ITPR2: variants seen among roughly 807,000 people sequenced by gnomAD.
ITPR2 encodes inositol 1,4,5-trisphosphate receptor type 2.
Under a neutral mutation model 317.1 loss-of-function variants are expected in ITPR2, and 207 were observed. The ratio of observed to expected loss-of-function variants is 0.65; its 90% CI spans 0.58 to 0.73. The LOEUF is 0.73. ITPR2 is among the 30% of genes least tolerant of loss of function. The pLI, the probability that ITPR2 is intolerant of heterozygous loss-of-function variation, is 0.00. For synonymous variants in ITPR2, 1,156 were observed against 1,149.1 expected (o/e 1.01, Z -0.12); for missense variants, 2,613 against 3,284.0 (o/e 0.80, Z 4.99).
intron 45 of ITPR2, among the ~76,000 whole-genome samples, chr12:26,447,504 G>A (rs1239273680): frequency 7.0e-6 from 1 of 142,040 alleles, no homozygotes. Context: ...TTCAGTATGG[G>A]TCCAAGTAAG....
intron 41 of ITPR2, among the ~76,000 whole-genome samples, chr12:26,485,835 A>G (rs1942652637): frequency 6.6e-6 from 1 of 152,248 alleles, no homozygotes; most frequent in Non-Finnish European, 1.5e-5. Context: ...GGAAGACAGG[A>G]TGCCCACTGA....
At chr12:26,399,507 C>T (rs1278922893) in intron 53 of ITPR2, among the ~76,000 whole-genome samples, 2 of 152,156 alleles carry the variant, frequency 1.3e-5, no homozygotes, top group East Asian at 1.9e-4. Context: ...TCCTGATGAA[C>T]AGTGTTAAAA....
intron 45 of ITPR2, among the ~76,000 whole-genome samples, chr12:26,448,150 T>C (rs2136751461): frequency 6.6e-6 from 1 of 152,162 alleles, no homozygotes; most frequent in South Asian, 2.1e-4. Flanking sequence ...CTAATTTAGA[T>C]ACTAATTAAA....
intron 1 of ITPR2, among the ~76,000 whole-genome samples, chr12:26,823,303 T>C (rs1950966270): frequency 6.6e-6 from 1 of 152,168 alleles, no homozygotes; most frequent in Admixed American, 6.5e-5. Flanking sequence ...GTGCTGAGCA[T>C]ACAGGATTAA....
Position 26,678,640 on chromosome 12 carries a change from C to T in ITPR2, c.1409+3234G>A, listed in dbSNP as rs569350879. Among the ~76,000 whole-genome samples, 69 of 152,302 alleles carry T rather than the reference C, an allele frequency of 4.5e-4. 1 individual carries two copies. The South Asian group carries it at 0.013, about 29-fold the overall frequency. ...TTGAATGAATTTTGATGGGAGGTGG[C>T]TTTTCTGAAATTACTAAATTAAGAT... is the stretch of plus-strand genomic sequence containing the variant. On this transcript the variant is annotated intron_variant, in intron 13 of 56. Transcript: ENST00000381340.
At chr12:26,360,202 G>C (rs1485553763) in intron 55 of ITPR2, among the ~76,000 whole-genome samples, 2 of 152,182 alleles carry the variant, frequency 1.3e-5, no homozygotes, top group African/African-American at 4.8e-5. Context: ...CTGAGGCTTT[G>C]TTCCAGCGTA....
chr12:26,423,114 C>T (rs1032176384), intron 49 of ITPR2, among the ~76,000 whole-genome samples: 2 of 152,176 alleles, frequency 1.3e-5, no homozygotes, highest in African/African-American at 2.4e-5. Context: ...TTAACCCCAG[C>T]GTTGGAGCAG....
intron 49 of ITPR2, among the ~76,000 whole-genome samples, chr12:26,423,633 A>C (rs1940960202): frequency 6.6e-6 from 1 of 152,212 alleles, no homozygotes; most frequent in African/African-American, 2.4e-5. Flanking sequence ...AGTTATTAAA[A>C]TGAGGTTTAC....
rs75805481 is a variant in ITPR2, at chr12:26,458,569, G to A, written c.6343-14919C>T. Among the ~76,000 whole-genome samples, 451 of 152,244 alleles carry A rather than the reference G, an allele frequency of 3.0e-3. 1 individual carries two copies. The highest frequency in any genetic ancestry group is 4.9e-3 in the Non-Finnish European group (330 of 68,026). On this transcript the variant is annotated intron_variant, in intron 45 of 56. Transcript: ENST00000381340. ...CTTACTTTGTGTCAATGTTAAACACGAGGGCGTCATCAACGATAAAAACAA... is the reference window on the plus strand; with the variant it reads ...CTTACTTTGTGTCAATGTTAAACACAAGGGCGTCATCAACGATAAAAACAA...
At chr12:26,518,439 A>C (rs1943583514) in intron 37 of ITPR2, among the ~76,000 whole-genome samples, 1 of 152,208 alleles carries the variant, frequency 6.6e-6, no homozygotes, top group Non-Finnish European at 1.5e-5. Context: ...TACCAGGGTG[A>C]CAAAATAATC....
chr12:26,736,833 G>C (rs80050177), intron 2 of ITPR2, among the ~76,000 whole-genome samples: 1,976 of 152,262 alleles, frequency 0.013, 47 homozygotes, highest in African/African-American at 0.046. Context: ...TCTATAGATG[G>C]CACATTTTAA....
At chr12:26,375,521 C>A (rs1352196590) in intron 55 of ITPR2, among the ~76,000 whole-genome samples, 6 of 152,160 alleles carry the variant, frequency 3.9e-5, no homozygotes, top group Non-Finnish European at 5.9e-5. Flanking sequence ...TTCAGAGCCC[C>A]ACCATGAAAA....
chr12:26,756,066 A>T (rs1949515292), intron 2 of ITPR2, among the ~76,000 whole-genome samples: 1 of 152,214 alleles, frequency 6.6e-6, no homozygotes, highest in African/African-American at 2.4e-5. Flanking sequence ...GTGAAAAATA[A>T]TTATTATAAT....
intron 2 of ITPR2, among the ~76,000 whole-genome samples, chr12:26,773,068 T>C (rs564849461): frequency 2.6e-5 from 4 of 152,312 alleles, no homozygotes; most frequent in Admixed American, 2.6e-4. Flanking sequence ...GCCATGTCCC[T>C]GCAAAGGACA....
chr12:26,770,213 G>A (rs969025825), intron 2 of ITPR2, among the ~76,000 whole-genome samples: 3 of 152,178 alleles, frequency 2.0e-5, no homozygotes, highest in African/African-American at 7.2e-5. Context: ...GAATAAATAA[G>A]GTCTTTCTCC....
rs575706684 is a variant in ITPR2 at position 26,648,737 on chromosome 12, C to G, written c.2740+5239G>C. ...ACAGTTGATCTTTAAAATAATATTT[C>G]TTTTTTTTTCTCTAGGTACTTTCCA... On this transcript the variant is annotated intron_variant, in intron 21 of 56. Coordinates refer to ENST00000381340, the MANE Select transcript of ITPR2 (RefSeq NM_002223.4). 3 of 151,598 alleles carry G rather than the reference C, an allele frequency of 2.0e-5. No individual in the cohort carries two copies. In the South Asian group the frequency reaches 6.3e-4, roughly 32 times the overall value. The allele number at this position is 151,598 out of a possible 1,614,324, so 9.4% of individuals were successfully genotyped here.
At chr12:26,814,961 G>C (rs1950824987) in intron 1 of ITPR2, among the ~76,000 whole-genome samples, 2 of 152,146 alleles carry the variant, frequency 1.3e-5, no homozygotes, top group African/African-American at 4.8e-5. Flanking sequence ...TTGTTTATCT[G>C]TAAAATGGTT....
At chr12:26,653,616 T>C (rs1947308395) in intron 21 of ITPR2, among the ~76,000 whole-genome samples, 2 of 152,196 alleles carry the variant, frequency 1.3e-5, no homozygotes, top group Non-Finnish European at 2.9e-5. Flanking sequence ...TATAATTTCA[T>C]CTGTATTTGT....
intron 54 of ITPR2, among the ~76,000 whole-genome samples, chr12:26,396,849 A>G (rs1940015412): frequency 6.6e-6 from 1 of 152,210 alleles, no homozygotes; most frequent in Non-Finnish European, 1.5e-5. Flanking sequence ...ATCACTTGTT[A>G]GTATTACCAT....
Sources: allele counts gnomAD v4.1 joint callset (sites outside exome capture counted in the v4.1 genomes callset), GRCh38; gene constraint gnomAD v4.1.1; transcripts MANE v1.5; gene names NCBI Gene and HGNC (gene_info 2026-07-23, HGNC 2026-07-21).